STXBP5L: variants seen among roughly 807,000 people sequenced by gnomAD.
STXBP5L encodes syntaxin binding protein 5L, also known as syntaxin-binding protein 5-like.
A neutral mutation model predicts 144.5 loss-of-function variants in STXBP5L; 65 were observed. The observed-to-expected ratio is 0.45, with a 90% CI of 0.37 to 0.55. The LOEUF is 0.55. Ranked by LOEUF, STXBP5L falls within the 20% of genes least tolerant of loss-of-function variation. STXBP5L has a pLI of 0.00. For synonymous variants in STXBP5L, 505 were observed against 469.6 expected, an observed-to-expected ratio of 1.08 and a Z score of -0.97; for missense variants, 1,298 against 1,405.5, an observed-to-expected ratio of 0.92 and a Z score of 1.22.
intron 20 of STXBP5L, among the ~76,000 whole-genome samples, chr3:121,342,553 T>C (rs1184358019): frequency 7.1e-6 from 1 of 141,302 alleles, no homozygotes; most frequent in Non-Finnish European, 1.5e-5. Context: ...TGTGTCCATG[T>C]GTTCTCATTG....
At chr3:121,270,702 C>T (rs574532009) in intron 18 of STXBP5L, among the ~76,000 whole-genome samples, 1 of 152,134 alleles carries the variant, frequency 6.6e-6, no homozygotes, top group Non-Finnish European at 1.5e-5. Context: ...ATCCGCCCAC[C>T]TAGGCCTCCC....
chr3:121,114,913 TC>T lies in STXBP5L; in HGVS notation c.471-11del. The T allele has an allele frequency of 2.7e-6, 4 of 1,468,346 alleles. No individual in the cohort carries two copies. The highest frequency in any genetic ancestry group is 3.6e-6 in the Non-Finnish European group (4 of 1,105,726). The allele number at this position is 1,468,346 out of a possible 1,614,324, so 91.0% of individuals were successfully genotyped here. Reference sequence around the variant, plus strand: ...AATTTAGATATTTTAATTATAATTTTCTTTCTTTCAGAATTACTTACTGTCA... The same window carrying T: ...AATTTAGATATTTTAATTATAATTTTTTTCTTTCAGAATTACTTACTGTCA... On this transcript the variant is annotated splice_polypyrimidine_tract_variant and intron_variant, in intron 5 of 26. Coordinates refer to ENST00000471454, the MANE Select transcript of STXBP5L (RefSeq NM_001308330.2).
intron 19 of STXBP5L, among the ~76,000 whole-genome samples, chr3:121,309,422 A>G (rs987870749): frequency 2.0e-5 from 3 of 152,154 alleles, no homozygotes; most frequent in African/African-American, 7.2e-5. Context: ...TTTTATAATG[A>G]TAAAAGTGTC....
intron 19 of STXBP5L, among the ~76,000 whole-genome samples, chr3:121,308,858 C>G (rs1404825971): frequency 6.6e-6 from 1 of 151,936 alleles, no homozygotes; most frequent in Non-Finnish European, 1.5e-5. Context: ...CCAATAACAG[C>G]ACATAAGAGA....
intron 3 of STXBP5L, 65 bp from the exon 4 acceptor site, chr3:121,041,635 G>A (rs756255175): frequency 3.1e-5 from 37 of 1,204,212 alleles, no homozygotes; most frequent in Non-Finnish European, 3.9e-5. Flanking sequence ...CAATAAGTTA[G>A]TTTCTTTGCT....
At chr3:121,315,473 T>C (rs2043750246) in intron 19 of STXBP5L, among the ~76,000 whole-genome samples, 2 of 92,272 alleles carry the variant, frequency 2.2e-5, no homozygotes, top group Non-Finnish European at 4.1e-5. Flanking sequence ...CATCACACTC[T>C]GGGGACTGTT....
At chr3:120,975,699 T>G (rs1940902202) in intron 3 of STXBP5L, among the ~76,000 whole-genome samples, 1 of 152,210 alleles carries the variant, frequency 6.6e-6, no homozygotes, top group Admixed American at 6.5e-5. Context: ...ATAGCTCTTA[T>G]TATTTTGAGA....
intron 10 of STXBP5L, among the ~76,000 whole-genome samples, chr3:121,211,115 G>C (rs1385283322): frequency 3.9e-5 from 6 of 152,122 alleles, no homozygotes; most frequent in African/African-American, 1.4e-4. Context: ...GTTGAACAGT[G>C]GTTTGAAGTT....
chr3:120,994,818 C>G (rs989140052), intron 3 of STXBP5L, among the ~76,000 whole-genome samples: 2 of 151,886 alleles, frequency 1.3e-5, no homozygotes, highest in African/African-American at 4.8e-5. Context: ...GGAATTTACT[C>G]TTCAATTTTT....
At chr3:121,418,061 T>C (rs1576383757) in intron 25 of STXBP5L, among the ~76,000 whole-genome samples, 1 of 152,178 alleles carries the variant, frequency 6.6e-6, no homozygotes, top group African/African-American at 2.4e-5. Flanking sequence ...TATTTGAATA[T>C]TCCAATTCAG....
intron 8 of STXBP5L, 56 bp downstream of exon 8, chr3:121,152,616 C>T: frequency 3.0e-6 from 4 of 1,340,864 alleles, no homozygotes; most frequent in Non-Finnish European, 4.2e-6. Context: ...TGCCTGTTTA[C>T]TACTTTTAAG....
At chr3:121,303,970 T>A (rs1179974441) in intron 19 of STXBP5L, among the ~76,000 whole-genome samples, 1 of 151,616 alleles carries the variant, frequency 6.6e-6, no homozygotes, top group African/African-American at 2.4e-5. Flanking sequence ...ATGGCACATG[T>A]ATACATATGT....
intron 15 of STXBP5L, 87 bp from the exon 16 acceptor site, chr3:121,254,808 T>C (rs1047024641): frequency 4.6e-5 from 55 of 1,192,518 alleles, no homozygotes; most frequent in Non-Finnish European, 6.4e-5. Context: ...TTTACTTTTG[T>C]TGTTTAACAA....
At chr3:121,131,600 A>G (rs2044990970) in intron 7 of STXBP5L, among the ~76,000 whole-genome samples, 1 of 152,200 alleles carries the variant, frequency 6.6e-6, no homozygotes, top group Non-Finnish European at 1.5e-5. Context: ...CCTATTACAG[A>G]AAAACTTTAC....
chr3:121,147,823 G>A (rs1171383822), intron 7 of STXBP5L, among the ~76,000 whole-genome samples: 2 of 152,140 alleles, frequency 1.3e-5, no homozygotes, highest in Non-Finnish European at 2.9e-5. Context: ...CCTTTTTCAA[G>A]TAAGAGAGAA....
At chr3:121,255,422 A>G (rs1458625023) in intron 16 of STXBP5L, among the ~76,000 whole-genome samples, 1 of 152,066 alleles carries the variant, frequency 6.6e-6, no homozygotes, top group Non-Finnish European at 1.5e-5. Context: ...TTGATGTTAC[A>G]TGAGTTGCAT....
chr3:121,390,835 C>A (rs2046565638), intron 22 of STXBP5L, among the ~76,000 whole-genome samples: 1 of 151,890 alleles, frequency 6.6e-6, no homozygotes, highest in Non-Finnish European at 1.5e-5. Context: ...TTCATTTCAA[C>A]CTTGGTGAAT....
intron 5 of STXBP5L, among the ~76,000 whole-genome samples, chr3:121,071,374 G>T (rs1406096009): frequency 6.6e-6 from 1 of 152,204 alleles, no homozygotes; most frequent in African/African-American, 2.4e-5. Flanking sequence ...ACTAGAGCAG[G>T]GCTCAGTGTT....
At chr3:121,153,782 T>C in intron 8 of STXBP5L, among the ~76,000 whole-genome samples, 1 of 151,958 alleles carries the variant, frequency 6.6e-6, no homozygotes, top group Non-Finnish European at 1.5e-5. Flanking sequence ...TGAAAAATAA[T>C]CTGATAAGTA....
Sources: allele counts gnomAD v4.1 joint callset (sites outside exome capture counted in the v4.1 genomes callset), GRCh38; gene constraint gnomAD v4.1.1; transcripts MANE v1.5; gene names NCBI Gene and HGNC (gene_info 2026-07-23, HGNC 2026-07-21).